ZMYND11: variants seen among roughly 807,000 people sequenced by gnomAD.
ZMYND11 encodes zinc finger MYND domain-containing protein 11.
ZMYND11 carries 9 observed loss-of-function variants against 84.9 expected under a neutral mutation model. That is an observed-to-expected ratio of 0.11 (90% CI 0.06 to 0.18). The LOEUF (loss-of-function observed/expected upper bound fraction) is 0.18. Ranked by LOEUF, ZMYND11 falls within the 10% of genes least tolerant of loss-of-function variation. The pLI is 1.00. For missense variants in ZMYND11, 409 were observed against 761.0 expected, an observed-to-expected ratio of 0.54 and a Z score of 5.44; for synonymous variants, 250 against 244.1, an observed-to-expected ratio of 1.02 and a Z score of -0.23.
intron 3 of ZMYND11, among the ~76,000 whole-genome samples, chr10:217,747 A>G (rs1946436468): frequency 6.6e-6 from 1 of 152,118 alleles, no homozygotes; most frequent in Non-Finnish European, 1.5e-5. Context: ...TGATTCATAG[A>G]AAAACCGTGT....
At chr10:169,119 G>C (rs2131603919) in intron 1 of ZMYND11, among the ~76,000 whole-genome samples, 2 of 152,188 alleles carry the variant, frequency 1.3e-5, no homozygotes, top group South Asian at 4.1e-4. Flanking sequence ...AACCTACCTG[G>C]GGGAAGGGAA....
intron 2 of ZMYND11, among the ~76,000 whole-genome samples, chr10:196,463 GTT>G (rs1320967098): frequency 6.6e-6 from 1 of 152,054 alleles, no homozygotes; most frequent in Non-Finnish European, 1.5e-5. Flanking sequence ...GAAAATGGAA[GTT>G]TTTAAGATGT....
intron 1 of ZMYND11, among the ~76,000 whole-genome samples, chr10:164,256 C>G (rs1049859833): frequency 1.4e-4 from 21 of 152,166 alleles, no homozygotes; most frequent in African/African-American, 4.6e-4. Flanking sequence ...AGTTCTTTCT[C>G]AATTAACGGC....
At position 135,651 on chromosome 10, in the gene ZMYND11, C is replaced by T. The variant is rs1252584166; in HGVS notation, c.-20+92C>T. 6.7e-6 allele frequency: 1 copy of T among 148,888 alleles called. No homozygotes were observed. Among genetic ancestry groups the T allele is most frequent in the Non-Finnish European group, 1.5e-5 (1 of 66,490 alleles). 9.2% of individuals were successfully genotyped at this position (148,888 alleles called of 1,614,324 possible). ...GCGGTGGAGCCTGCCTGGCCGCGGC[C>T]TCTGGGGCGGCGGCGGCACCAGTGG... On this transcript the variant is annotated intron_variant, in intron 1 of 14. Transcript: ENST00000381604. This position sits in a 1 kb window ranked among gnomAD's most constrained non-coding sequence, Gnocchi z 5.6.
intron 6 of ZMYND11, among the ~76,000 whole-genome samples, 167 bp downstream of exon 6, chr10:237,844 T>C (rs1439927859): frequency 6.6e-6 from 1 of 152,256 alleles, no homozygotes; most frequent in Non-Finnish European, 1.5e-5. Context: ...TGAAGCATTA[T>C]TAATTTGTAA....
chr10:244,001 T>C (rs554830497), intron 10 of ZMYND11, among the ~76,000 whole-genome samples: 1 of 152,282 alleles, frequency 6.6e-6, no homozygotes, highest in African/African-American at 2.4e-5. Flanking sequence ...TCCTGGAAGA[T>C]TTTATGTAAA....
At chr10:178,975 C>T (rs951905729) in intron 1 of ZMYND11, among the ~76,000 whole-genome samples, 23 of 152,284 alleles carry the variant, frequency 1.5e-4, no homozygotes, top group African/African-American at 5.1e-4. Flanking sequence ...AAGTGCTTCC[C>T]TCCCTCATTC....
chr10:136,533 C>A (rs1194254659), intron 1 of ZMYND11, among the ~76,000 whole-genome samples: 7 of 152,238 alleles, frequency 4.6e-5, no homozygotes, highest in African/African-American at 1.7e-4. Flanking sequence ...GTATCTTCCT[C>A]GCTTAGGCTG....
Position 248,950 on chromosome 10 carries a change from T to G in ZMYND11, c.1548T>G (p.Ala516=), listed in dbSNP as rs1952776417. The G allele has an allele frequency of 6.2e-7, 1 of 1,614,010 alleles. No individual in the cohort carries two copies. The part of the protein sequence containing the change: ...EEEKRQAVNK[A]VANMQGEMDR... ...AAAAGAGACAAGCTGTAAATAAAGC[T>G]GTAGCCAACATGCAGGGTGAGATGG... Residue 516 remains alanine (A), a synonymous_variant, in exon 14 of 15, where the codon GCT becomes GCG. Coordinates refer to ENST00000381604, the MANE Select transcript of ZMYND11 (RefSeq NM_001370100.5).
chr10:215,565 T>TC (rs1946068734), intron 3 of ZMYND11, among the ~76,000 whole-genome samples: 1 of 151,826 alleles, frequency 6.6e-6, no homozygotes, highest in Admixed American at 6.6e-5. Context: ...TTTTTTGTTT[T>TC]TTTTTTTTTT....
At chr10:242,796 G>A (rs932673731) in intron 10 of ZMYND11, among the ~76,000 whole-genome samples, 1 of 152,048 alleles carries the variant, frequency 6.6e-6, no homozygotes, top group African/African-American at 2.4e-5. Context: ...TCCTCCCTGT[G>A]GTAAATTTTT....
At chr10:143,099 G>A (rs1178975719) in intron 1 of ZMYND11, among the ~76,000 whole-genome samples, 2 of 152,182 alleles carry the variant, frequency 1.3e-5, no homozygotes, top group East Asian at 3.9e-4. Context: ...AGTTCAATTT[G>A]GATTCAGAGA....
intron 7 of ZMYND11, 182 bp from the exon 8 acceptor site, chr10:239,874 G>A (rs1950588494): frequency 3.5e-6 from 2 of 565,760 alleles, no homozygotes; most frequent in African/African-American, 3.8e-5. Flanking sequence ...AGAATTAGTG[G>A]TTGTATTGGA....
chr10:244,074 T>G lies in ZMYND11; in HGVS notation c.950+1935T>G, dbSNP rs928711256. Among the ~76,000 whole-genome samples the G allele has an allele frequency of 3.9e-5, 6 of 152,264 alleles. No homozygotes were observed. The East Asian group carries it at 1.2e-3, about 29-fold the overall frequency. On this transcript the variant is annotated intron_variant, in intron 10 of 14. Transcript: ENST00000381604. ...TAGAAAATAAGAGAGGTTGACAAAC[T>G]CACTGTGTAAAATCATTTTCCTTTT...
intron 1 of ZMYND11, 121 bp from the exon 2 acceptor site, chr10:179,872 TG>T (rs1459686382): frequency 1.4e-5 from 7 of 500,830 alleles, no homozygotes; most frequent in Admixed American, 7.7e-5. Context: ...AAATAGAAAG[TG>T]GGCAATACTA....
intron 4 of ZMYND11, among the ~76,000 whole-genome samples, chr10:222,645 A>G (rs1420465026): frequency 1.3e-5 from 2 of 152,112 alleles, no homozygotes; most frequent in African/African-American, 4.8e-5. Flanking sequence ...TTAAAAGCAA[A>G]TATACATCTT....
chr10:217,838 C>G (rs1343889304), intron 3 of ZMYND11, among the ~76,000 whole-genome samples: 1 of 152,198 alleles, frequency 6.6e-6, no homozygotes, highest in African/African-American at 2.4e-5. Flanking sequence ...TGAGATTATA[C>G]AGCTGCGAAT....
At chr10:248,306 T>G in intron 12 of ZMYND11, 30 bp from the exon 13 acceptor site, 1 of 1,598,976 alleles carries the variant, frequency 6.3e-7, no homozygotes, top group Non-Finnish European at 8.5e-7. Flanking sequence ...TGGCTTCGTT[T>G]GGCGTCTAAA....
upstream of ZMYND11, among the ~76,000 whole-genome samples, chr10:130,863 A>T (rs898501291): frequency 8.0e-4 from 121 of 152,060 alleles, no homozygotes; most frequent in Non-Finnish European, 2.1e-4. Context: ...TCGCGCCTGT[A>T]ATTCCAGCAC....
Sources: allele counts gnomAD v4.1 joint callset (sites outside exome capture counted in the v4.1 genomes callset), GRCh38; gene constraint gnomAD v4.1.1; non-coding constraint Gnocchi (gnomAD v3.1); transcripts MANE v1.5; gene names NCBI Gene and HGNC (gene_info 2026-07-23, HGNC 2026-07-21).